Variants in STOX2 observed in about 807,000 individuals in gnomAD.
The protein encoded by STOX2 is storkhead-box protein 2.
In STOX2, 28 loss-of-function variants were observed where a neutral mutation model predicts 60.9. The ratio of observed to expected loss-of-function variants is 0.46; its 90% CI spans 0.34 to 0.63. The LOEUF (loss-of-function observed/expected upper bound fraction) is 0.63, where lower values mean the gene tolerates loss of function less well. Ranked by LOEUF, STOX2 falls within the 30% of genes least tolerant of loss-of-function variation. STOX2 has a pLI of 0.01. For missense variants in STOX2, 1,024 were observed against 1,187.7 expected (o/e 0.86, Z 2.03); for synonymous variants, 472 against 463.9 (o/e 1.02, Z -0.22).
In STOX2 at chr4:184,009,903, A is replaced by G; in HGVS notation, c.1065A>G (p.Gly355=). The change falls in exon 3 of 4, where the codon GGA becomes GGG. Residue 355 remains glycine, a synonymous_variant. Coordinates refer to ENST00000308497, the MANE Select transcript of STOX2 (RefSeq NM_020225.3). The surrounding 1 kb of genome is among the most constrained non-coding windows in gnomAD (Gnocchi z 4.0). ...CCGGGTCCTCTGCCCATCACAGCGG[A>G]AGGAGTAAAAAGAGTAGGACTCATC... is the stretch of plus-strand genomic sequence containing the variant. ...SKAGSSAHHS[G]RSKKSRTHRK... is the part of the protein sequence containing the mutation. 6.2e-7 allele frequency: 1 copy of G among 1,612,570 alleles called. No individual in the cohort carries two copies. The highest frequency in any genetic ancestry group is 8.5e-7 in the Non-Finnish European group (1 of 1,179,276).
chr4:183,953,445 G>A (rs1199054799), intron 1 of STOX2, among the ~76,000 whole-genome samples: 1 of 152,196 alleles, frequency 6.6e-6, no homozygotes, highest in Non-Finnish European at 1.5e-5. Flanking sequence ...CTGGAGGCAG[G>A]GGTGCCCCTT....
rs1734189182 is a variant in STOX2 at position 184,011,859 on chromosome 4, TA to T, written c.2585+437del. Among the ~76,000 whole-genome samples the T allele has an allele frequency of 6.6e-6, 1 of 152,186 alleles. No individual in the cohort carries two copies. Among genetic ancestry groups the T allele is most frequent in the Non-Finnish European group, 1.5e-5 (1 of 68,030 alleles). ...ATTGATGCTAAGATAGGGGTCCCTG[TA>T]GTGAAAATATAATAGCAGATCTCAA... On this transcript the variant is annotated intron_variant, in intron 3 of 3. Coordinates refer to ENST00000308497, the MANE Select transcript of STOX2 (RefSeq NM_020225.3). This position sits in a 1 kb window ranked among gnomAD's most constrained non-coding sequence, Gnocchi z 4.4.
rs79787434 is a variant in STOX2 at position 183,972,418 on chromosome 4, A to G, written c.167-28907A>G. Reference sequence around the variant, plus strand: ...CAGAGAGGATCAAGAGAGCTATTGCATAAAATATTGTATGAACTCCTGGAC... The same window carrying G: ...CAGAGAGGATCAAGAGAGCTATTGCGTAAAATATTGTATGAACTCCTGGAC... On this transcript the variant is annotated intron_variant, in intron 1 of 3. Coordinates refer to ENST00000308497, the MANE Select transcript of STOX2 (RefSeq NM_020225.3). 2.6e-5 allele frequency among the ~76,000 whole-genome samples: 4 copies of G among 152,358 alleles called. No homozygotes were observed. The East Asian group carries it at 5.8e-4, about 22-fold the overall frequency.
intron 1 of STOX2, among the ~76,000 whole-genome samples, chr4:183,811,287 G>A (rs1434289139): frequency 1.3e-5 from 2 of 152,202 alleles, no homozygotes; most frequent in Non-Finnish European, 2.9e-5. Context: ...TTTATATTGT[G>A]TTAAGTCTAT....
intron 1 of STOX2, among the ~76,000 whole-genome samples, chr4:183,829,674 C>T (rs1739521365): frequency 6.6e-6 from 1 of 152,216 alleles, no homozygotes; most frequent in South Asian, 2.1e-4. Flanking sequence ...CCAGCCCCAC[C>T]TCAGGAGTTC....
Position 184,010,902 on chromosome 4 carries a change from C to G in STOX2, c.2064C>G (p.Pro688=). ...GRLVQHHGAE[P]SSLDKRKEIF... The stretch of plus-strand genomic sequence containing the variant: ...TCGTCCAGCACCATGGTGCCGAGCC[C>G]AGCAGCTTGGACAAGAGGAAAGAGA... The change falls in exon 3 of 4, where the codon CCC becomes CCG. Residue 688 remains proline (P), a synonymous_variant. Transcript: ENST00000308497. The surrounding 1 kb of genome is among the most constrained non-coding windows in gnomAD (Gnocchi z 4.5). 6.2e-7 allele frequency: 1 copy of G among 1,613,088 alleles called. No individual in the cohort carries two copies. The highest frequency in any genetic ancestry group is 8.5e-7 in the Non-Finnish European group (1 of 1,179,506).
chr4:183,896,437 G>A (rs1741341254), intron 1 of STOX2, among the ~76,000 whole-genome samples: 1 of 152,200 alleles, frequency 6.6e-6, no homozygotes, highest in Admixed American at 6.5e-5. Flanking sequence ...CCATCTCCCA[G>A]ACTCAAGCAG....
rs368034038 is a variant in STOX2 at position 184,004,706 on chromosome 4, TC to T, written c.319+3230del. On this transcript the variant is annotated intron_variant, in intron 2 of 3. Coordinates refer to ENST00000308497, the MANE Select transcript of STOX2 (RefSeq NM_020225.3). ...GTTGGCTGAATTTTTGAAAACCAAC[TC>T]AACAACTTTTATCTATCAATTTCCA... is the stretch of plus-strand genomic sequence containing the variant. Among the ~76,000 whole-genome samples the T allele has an allele frequency of 1.8e-4, 27 of 152,384 alleles. No individual in the cohort carries two copies. In the East Asian group the frequency reaches 5.0e-3, roughly 28 times the overall value.
chr4:183,932,336 A>T lies in STOX2; in HGVS notation c.166+25380A>T, dbSNP rs202122489. Among the ~76,000 whole-genome samples, 4 of 8,152 alleles carry T rather than the reference A, an allele frequency of 4.9e-4. 1 individual carries two copies. Among genetic ancestry groups the T allele is most frequent in the Non-Finnish European group, 8.5e-3 (2 of 236 alleles). The allele number at this position is 8,152 out of a possible 152,430, so 5.3% of individuals were successfully genotyped here. A position where few individuals can be genotyped will look rare whatever the true frequency, so the allele number is the denominator to read the frequency against. Reference sequence around the variant, plus strand: ...ATACAGTATATGTATGTATACATACAGTATATGTATGTATACATACAGTAT... The same window carrying T: ...ATACAGTATATGTATGTATACATACTGTATATGTATGTATACATACAGTAT... On this transcript the variant is annotated intron_variant, in intron 1 of 3. Coordinates refer to ENST00000308497, the MANE Select transcript of STOX2 (RefSeq NM_020225.3).
chr4:183,885,987 C>T (rs189066515), intron 1 of STOX2, among the ~76,000 whole-genome samples: 13 of 152,238 alleles, frequency 8.5e-5, no homozygotes, highest in Admixed American at 3.9e-4. Context: ...AGGGTGGACA[C>T]GAGGGCTCTG....
intron 1 of STOX2, among the ~76,000 whole-genome samples, chr4:183,938,669 CAAAAAAAAAAAA>C (rs10577405): frequency 4.6e-4 from 38 of 82,494 alleles, no homozygotes; most frequent in Non-Finnish European, 6.7e-4. Flanking sequence ...ACTCCGTCTC[CAAAAAAAAAAAA>C]AAAAAAAAAA....
At chr4:184,000,533 A>G (rs918288127) in intron 1 of STOX2, among the ~76,000 whole-genome samples, 3 of 152,134 alleles carry the variant, frequency 2.0e-5, no homozygotes, top group African/African-American at 7.2e-5. Context: ...TAGAATGCAG[A>G]GCTTGGACAC....
At chr4:183,798,177 G>C in intron 1 of STOX2, 1 of 991,162 alleles carries the variant, frequency 1.0e-6, no homozygotes, top group Non-Finnish European at 1.3e-6. Context: ...TCCCCTGGGT[G>C]CCCGCGTCCC....
chr4:183,914,680 T>A (rs1362379425), intron 1 of STOX2, among the ~76,000 whole-genome samples: 1 of 152,170 alleles, frequency 6.6e-6, no homozygotes, highest in African/African-American at 2.4e-5. Flanking sequence ...CTGTGCTTTC[T>A]GTTCCCCTTC....
At chr4:183,799,736 T>A (rs1039635074) in intron 1 of STOX2, among the ~76,000 whole-genome samples, 2 of 152,220 alleles carry the variant, frequency 1.3e-5, no homozygotes. Flanking sequence ...CTCATGTATT[T>A]TTTTTATTTC....
intron 1 of STOX2, among the ~76,000 whole-genome samples, chr4:183,890,948 A>G (rs973849961): frequency 6.6e-6 from 1 of 152,040 alleles, no homozygotes; most frequent in Non-Finnish European, 1.5e-5. Context: ...TCTCTACAAA[A>G]AAATTTTAAA....
intron 1 of STOX2, among the ~76,000 whole-genome samples, chr4:183,991,681 C>G (rs1398338668): frequency 6.6e-6 from 1 of 152,134 alleles, no homozygotes; most frequent in African/African-American, 2.4e-5. Context: ...ACCTCGACCT[C>G]CCAAAGTGCT....
intron 2 of STOX2, among the ~76,000 whole-genome samples, chr4:184,004,261 G>A (rs747731020): frequency 6.6e-6 from 1 of 151,788 alleles, no homozygotes; most frequent in African/African-American, 2.4e-5. Context: ...TTCTTGTTTT[G>A]GGCATCCATA....
At chr4:183,926,430 C>G (rs1387643099) in intron 1 of STOX2, among the ~76,000 whole-genome samples, 1 of 152,182 alleles carries the variant, frequency 6.6e-6, no homozygotes, top group Non-Finnish European at 1.5e-5. Flanking sequence ...GATATTCTTT[C>G]ATTTAATACA....
Sources: gnomAD v4.1 joint callset for allele counts (sites outside exome capture counted in the v4.1 genomes callset) on GRCh38, gnomAD v4.1.1 for gene constraint, Gnocchi (gnomAD v3.1) non-coding constraint, MANE v1.5 for transcripts, NCBI Gene and HGNC (gene_info 2026-07-23, HGNC 2026-07-21) for gene names.